Variants in GRIN2B observed in about 807,000 individuals in gnomAD.
GRIN2B encodes the protein glutamate ionotropic receptor NMDA type subunit 2B.
Under a neutral mutation model 114.5 loss-of-function variants are expected in GRIN2B, and 5 were observed. The observed-to-expected ratio is 0.04, with a 90% CI of 0.02 to 0.09. The LOEUF is 0.09. Ranked by LOEUF, GRIN2B falls within the 10% of genes least tolerant of loss-of-function variation. The pLI, the probability that GRIN2B is intolerant of heterozygous loss-of-function variation, is 1.00. For synonymous variants in GRIN2B, 787 were observed against 745.1 expected, an observed-to-expected ratio of 1.06 and a Z score of -0.92; for missense variants, 1,108 against 1,943.5, an observed-to-expected ratio of 0.57 and a Z score of 8.08.
chr12:13,609,402 T>A lies in GRIN2B; in HGVS notation c.1781-570A>T, dbSNP rs552216082. 3.3e-5 allele frequency among the ~76,000 whole-genome samples: 5 copies of A among 152,278 alleles called. No homozygotes were observed. The South Asian group carries it at 1.0e-3, about 32-fold the overall frequency. ...TTAGCTTCTAGCACTTAGCACTCAA[T>A]GTTTCAAAGACAACCCTGATCCTAC... On this transcript the variant is annotated intron_variant, in intron 9 of 13. Transcript: ENST00000609686.
rs866476716 is a variant in GRIN2B, at chr12:13,563,695, G to A, written c.3543C>T (p.His1181=). Residue 1181 remains histidine (H), a synonymous_variant, in exon 14 of 14, where the codon CAC becomes CAT. Transcript: ENST00000609686. The part of the protein sequence containing the change: ...GPCTNRSHIK[H]GTGDKHGVVS... ...CCACGCCGTGTTTGTCGCCCGTCCC[G>A]TGCTTGATGTGAGACCTGTTGGTAC... is the stretch of plus-strand genomic sequence containing the variant. 9.3e-6 allele frequency: 15 copies of A among 1,613,400 alleles called. No homozygotes were observed. Among genetic ancestry groups the A allele is most frequent in the African/African-American group, 2.7e-5 (2 of 74,922 alleles).
chr12:13,861,032 T>G (rs1255941663), intron 3 of GRIN2B, among the ~76,000 whole-genome samples: 10 of 152,178 alleles, frequency 6.6e-5, no homozygotes, highest in Non-Finnish European at 7.4e-5. Context: ...ATCTTCCATA[T>G]ATTTTATTTC....
intron 4 of GRIN2B, among the ~76,000 whole-genome samples, chr12:13,719,101 C>T (rs1950485426): frequency 6.6e-6 from 1 of 152,016 alleles, no homozygotes; most frequent in African/African-American, 2.4e-5. Context: ...TCAGTTAACT[C>T]ATCACCACGC....
At chr12:13,893,776 A>C (rs1253432524) in intron 2 of GRIN2B, among the ~76,000 whole-genome samples, 1 of 152,150 alleles carries the variant, frequency 6.6e-6, no homozygotes, top group Non-Finnish European at 1.5e-5. Flanking sequence ...ATACAGGAAA[A>C]TAAAATCAGC....
At chr12:13,813,440 A>G (rs1008694625) in intron 3 of GRIN2B, among the ~76,000 whole-genome samples, 10 of 152,216 alleles carry the variant, frequency 6.6e-5, no homozygotes, top group African/African-American at 2.2e-4. Context: ...GACGCTGGGT[A>G]CCAAGAATTG....
intron 4 of GRIN2B, among the ~76,000 whole-genome samples, chr12:13,744,888 A>T (rs1003187611): frequency 6.6e-6 from 1 of 152,102 alleles, no homozygotes; most frequent in African/African-American, 2.4e-5. Flanking sequence ...CTCCTGCCAC[A>T]TATCTTCCTT....
intron 10 of GRIN2B, among the ~76,000 whole-genome samples, chr12:13,592,761 C>A (rs182882897): frequency 6.6e-6 from 1 of 152,196 alleles, no homozygotes; most frequent in Non-Finnish European, 1.5e-5. Flanking sequence ...CCTATTTTCA[C>A]ATCCACAAAA....
At position 13,540,815 on chromosome 12, in the gene GRIN2B, G is replaced by C. The variant is rs534622797; in HGVS notation, c.*21968C>G. 1 of 152,252 alleles carries C rather than the reference G, an allele frequency of 6.6e-6. No individual in the cohort carries two copies. Among genetic ancestry groups the C allele is most frequent in the East Asian group, 1.9e-4 (1 of 5,198 alleles). The allele number at this position is 152,252 out of a possible 1,614,324, so 9.4% of individuals were successfully genotyped here. A position where few individuals can be genotyped will look rare whatever the true frequency, so the allele number is the denominator to read the frequency against. ...TCAAGAGGAAGGAGAGCCGGCCCCA[G>C]GGAGGAGTGTGGAGTCTGGGCCTCG... On this transcript the variant is annotated 3_prime_UTR_variant, in exon 14 of 14. Coordinates refer to ENST00000609686, the MANE Select transcript of GRIN2B (RefSeq NM_000834.5).
At chr12:13,958,875 G>GA (rs958054294) in intron 2 of GRIN2B, among the ~76,000 whole-genome samples, 3 of 151,622 alleles carry the variant, frequency 2.0e-5, no homozygotes, top group Admixed American at 6.6e-5. Context: ...TGAGAGAGGG[G>GA]AAAAAAGACG....
intron 3 of GRIN2B, among the ~76,000 whole-genome samples, chr12:13,841,468 A>T (rs1865378172): frequency 6.6e-6 from 1 of 152,212 alleles, no homozygotes. Flanking sequence ...GAACCTCATC[A>T]GTCTGTCACT....
intron 2 of GRIN2B, among the ~76,000 whole-genome samples, chr12:13,971,416 A>G (rs1862910344): frequency 6.6e-6 from 1 of 152,200 alleles, no homozygotes; most frequent in South Asian, 2.1e-4. Context: ...TGAGAAAACT[A>G]TTAACCCAGC....
chr12:13,861,591 C>CA (rs1467769138), intron 3 of GRIN2B, among the ~76,000 whole-genome samples: 1 of 152,192 alleles, frequency 6.6e-6, no homozygotes, highest in African/African-American at 2.4e-5. Context: ...CTGTTACAAG[C>CA]ACCTAGCAGT....
chr12:13,721,427 T>C (rs1862878279), intron 4 of GRIN2B, among the ~76,000 whole-genome samples: 1 of 151,846 alleles, frequency 6.6e-6, no homozygotes, highest in Admixed American at 6.6e-5. Flanking sequence ...GGAAAAGGAT[T>C]AGGGTGATTG....
At chr12:13,956,143 G>A (rs147728724) in intron 2 of GRIN2B, among the ~76,000 whole-genome samples, 1 of 152,154 alleles carries the variant, frequency 6.6e-6, no homozygotes, top group African/African-American at 2.4e-5. Flanking sequence ...GGAACGGCCT[G>A]AGCAAAGCCA....
intron 4 of GRIN2B, among the ~76,000 whole-genome samples, chr12:13,711,294 A>T (rs1186567637): frequency 2.0e-5 from 3 of 151,984 alleles, no homozygotes; most frequent in Admixed American, 6.6e-5. Context: ...AACCTAGGCA[A>T]TACCATTCAG....
intron 4 of GRIN2B, among the ~76,000 whole-genome samples, chr12:13,678,009 G>T (rs1257826338): frequency 6.6e-6 from 1 of 152,112 alleles, no homozygotes; most frequent in Non-Finnish European, 1.5e-5. Flanking sequence ...AATAACTTAT[G>T]CATACCCTGA....
At chr12:13,681,872 TC>T (rs528217771) in intron 4 of GRIN2B, among the ~76,000 whole-genome samples, 10 of 152,302 alleles carry the variant, frequency 6.6e-5, no homozygotes, top group African/African-American at 2.4e-4. Flanking sequence ...GTTATTACTC[TC>T]TACCATGTGA....
intron 3 of GRIN2B, among the ~76,000 whole-genome samples, chr12:13,774,979 A>AATG (rs75004247): frequency 0.049 from 7,457 of 151,636 alleles, 240 homozygotes; most frequent in African/African-American, 0.091. Flanking sequence ...GGAGAGGTAA[A>AATG]ATGATGATGA....
chr12:13,668,821 C>T (rs1180146186), intron 5 of GRIN2B, among the ~76,000 whole-genome samples: 1 of 151,406 alleles, frequency 6.6e-6, no homozygotes, highest in African/African-American at 2.4e-5. Context: ...TCCCAGCCAC[C>T]AGGAAAGCTA....
Sources: allele counts gnomAD v4.1 joint callset (sites outside exome capture counted in the v4.1 genomes callset), GRCh38; gene constraint gnomAD v4.1.1; transcripts MANE v1.5; gene names NCBI Gene and HGNC (gene_info 2026-07-23, HGNC 2026-07-21).